Variants in FOXN3 observed in about 807,000 individuals in gnomAD.
FOXN3 encodes forkhead box N3.
In FOXN3, 7 loss-of-function variants were observed where a neutral mutation model predicts 38.4. The observed-to-expected ratio is 0.18, with a 90% confidence interval of 0.10 to 0.34. FOXN3 has a LOEUF of 0.34. Ranked by LOEUF, FOXN3 falls within the 10% of genes least tolerant of loss-of-function variation. FOXN3 has a pLI of 1.00. For missense variants in FOXN3, 456 were observed against 613.4 expected, an observed-to-expected ratio of 0.74 and a Z score of 2.71; for synonymous variants, 230 against 242.2, an observed-to-expected ratio of 0.95 and a Z score of 0.47.
intron 3 of FOXN3, among the ~76,000 whole-genome samples, chr14:89,317,024 C>T (rs1170806124): frequency 2.0e-5 from 3 of 152,110 alleles, no homozygotes; most frequent in Non-Finnish European, 4.4e-5. Context: ...CAGGAGCTAA[C>T]TCATATAACA....
chr14:89,311,951 T>C (rs181980955), intron 3 of FOXN3, among the ~76,000 whole-genome samples: 1 of 151,464 alleles, frequency 6.6e-6, no homozygotes, highest in East Asian at 2.0e-4. Flanking sequence ...ATGGGGGAGA[T>C]TAGGACAATT....
Position 89,533,534 on chromosome 14 carries a change from G to A in FOXN3, c.-15+85494C>T, listed in dbSNP as rs1596309808. Among the ~76,000 whole-genome samples, 7 of 152,092 alleles carry A rather than the reference G, an allele frequency of 4.6e-5. No individual in the cohort carries two copies. In the South Asian group the frequency reaches 1.0e-3, roughly 23 times the overall value. On this transcript the variant is annotated intron_variant, in intron 1 of 6. Coordinates refer to the FOXN3 transcript ENST00000345097. ...GAAAATTAGCCGGGCATGGTGGCGG[G>A]GGCCTGTAGCCCGGCCACTCGGGAG...
intron 3 of FOXN3, among the ~76,000 whole-genome samples, chr14:89,314,971 G>A (rs926041976): frequency 1.3e-5 from 2 of 151,986 alleles, no homozygotes; most frequent in African/African-American, 4.8e-5. Context: ...TACTCTTCAC[G>A]GCTTGCAATA....
chr14:89,284,421 A>G (rs1416363915), intron 3 of FOXN3: 2 of 455,720 alleles, frequency 4.4e-6, no homozygotes, highest in Non-Finnish European at 4.4e-6. Context: ...GGGCTTGCCC[A>G]CTGTACCATA....
In FOXN3 at chr14:89,548,656, A is replaced by C. The variant is rs1894933536; in HGVS notation, c.-15+70372T>G. 6.6e-6 allele frequency among the ~76,000 whole-genome samples: 1 copy of C among 152,210 alleles called. No individual in the cohort carries two copies. The highest frequency in any genetic ancestry group is 2.4e-5 in the African/African-American group (1 of 41,458). ...GTAAATGTAAGTTATTACCATAATA[A>C]TGATGACTTTTCTTTTCAATTTATA... On this transcript the variant is annotated intron_variant, in intron 1 of 6. Transcript: ENST00000345097. This position sits in a 1 kb window ranked among gnomAD's most constrained non-coding sequence, Gnocchi z 4.8.
chr14:89,565,208 C>T (rs967775210), intron 1 of FOXN3, among the ~76,000 whole-genome samples: 29 of 151,656 alleles, frequency 1.9e-4, no homozygotes, highest in Admixed American at 1.2e-3. Flanking sequence ...GGCCAAGGAA[C>T]GCCCAGAATT....
At chr14:89,453,027 C>T (rs951473302) in intron 1 of FOXN3, among the ~76,000 whole-genome samples, 4 of 151,052 alleles carry the variant, frequency 2.6e-5, no homozygotes, top group Non-Finnish European at 4.4e-5. Flanking sequence ...GGTGAAACTC[C>T]GTCCCTATTA....
intron 1 of FOXN3, among the ~76,000 whole-genome samples, chr14:89,448,907 G>A (rs1892562373): frequency 6.6e-6 from 1 of 151,402 alleles, no homozygotes; most frequent in Admixed American, 6.6e-5. Context: ...TTGCACCACT[G>A]CACTCCAGCC....
chr14:89,615,116 ATTTTTTT>A (rs374606775), intron 1 of FOXN3, among the ~76,000 whole-genome samples: 1 of 106,784 alleles, frequency 9.4e-6, no homozygotes, highest in Non-Finnish European at 1.8e-5. Flanking sequence ...CCCAATTTCG[ATTTTTTT>A]TTTTTTTTTT....
chr14:89,401,521 GCA>G (rs1297817211), intron 2 of FOXN3: 2 of 451,458 alleles, frequency 4.4e-6, no homozygotes, highest in Admixed American at 4.8e-5. Flanking sequence ...AAGGAATTCG[GCA>G]CACAGTGCGG....
chr14:89,326,100 C>T (rs959799379), intron 3 of FOXN3, among the ~76,000 whole-genome samples: 8 of 152,180 alleles, frequency 5.3e-5, no homozygotes, highest in African/African-American at 9.7e-5. Flanking sequence ...ATTCAACAAA[C>T]GTTTACTCAA....
intron 1 of FOXN3, among the ~76,000 whole-genome samples, chr14:89,463,105 C>A (rs528304674): frequency 1.3e-5 from 2 of 150,680 alleles, no homozygotes; most frequent in Admixed American, 6.6e-5. Context: ...CTGGCTAACA[C>A]GGTGAAACCC....
At chr14:89,290,976 G>A (rs1459323998) in intron 3 of FOXN3, 7 of 380,852 alleles carry the variant, frequency 1.8e-5, no homozygotes, top group Non-Finnish European at 3.1e-5. Context: ...TGGGTGCTGC[G>A]GACCTGTTCT....
chr14:89,260,888 T>C (rs1885778306), intron 4 of FOXN3, among the ~76,000 whole-genome samples: 1 of 152,270 alleles, frequency 6.6e-6, no homozygotes, highest in Admixed American at 6.5e-5. Flanking sequence ...GTGTAACCAA[T>C]ATATTTTTAT....
chr14:89,195,380 A>C (rs1888071165), intron 4 of FOXN3, among the ~76,000 whole-genome samples: 1 of 152,114 alleles, frequency 6.6e-6, no homozygotes, highest in Non-Finnish European at 1.5e-5. Context: ...AAAAGTCCAA[A>C]TTTTCTGTGG....
intron 1 of FOXN3, among the ~76,000 whole-genome samples, chr14:89,429,003 C>T (rs1596269502): frequency 6.6e-6 from 1 of 152,146 alleles, no homozygotes; most frequent in African/African-American, 2.4e-5. Context: ...GGCTTGTCTT[C>T]CCCACATACC....
intron 1 of FOXN3, among the ~76,000 whole-genome samples, chr14:89,608,041 C>T (rs148866672): frequency 0.013 from 1,952 of 151,440 alleles, 37 homozygotes; most frequent in African/African-American, 0.045. Flanking sequence ...TGCAGTGGCG[C>T]GATCTCAGCT....
chr14:89,200,883 C>A (rs1394181115), intron 4 of FOXN3, among the ~76,000 whole-genome samples: 1 of 152,050 alleles, frequency 6.6e-6, no homozygotes, highest in African/African-American at 2.4e-5. Flanking sequence ...TAGCAGCTGC[C>A]TAGGAAAAAA....
intron 1 of FOXN3, among the ~76,000 whole-genome samples, chr14:89,441,515 C>A (rs1339367235): frequency 6.6e-6 from 1 of 152,152 alleles, no homozygotes; most frequent in Non-Finnish European, 1.5e-5. Context: ...GTTAAAATAG[C>A]CTCGCTGATC....
Sources: gnomAD v4.1 joint callset for allele counts (sites outside exome capture counted in the v4.1 genomes callset) on GRCh38, gnomAD v4.1.1 for gene constraint, Gnocchi (gnomAD v3.1) non-coding constraint, MANE v1.5 for transcripts, NCBI Gene and HGNC (gene_info 2026-07-23, HGNC 2026-07-21) for gene names.